The following KCNQ5 variants were observed in gnomAD, a reference collection of about 807,000 sequenced individuals.
KCNQ5 encodes the protein potassium voltage-gated channel subfamily Q member 5.
A neutral mutation model predicts 98.2 loss-of-function variants in KCNQ5; 30 were observed. The observed-to-expected ratio is 0.31, with a 90% CI of 0.23 to 0.41. The LOEUF (loss-of-function observed/expected upper bound fraction) is 0.41, where lower values mean the gene tolerates loss of function less well. KCNQ5 is among the 10% of genes least tolerant of loss of function. The probability of loss-of-function intolerance (pLI) is 1.00; values close to 1 mark genes in which losing one functional copy is unlikely to be tolerated. For synonymous variants in KCNQ5, 458 were observed against 449.4 expected (o/e 1.02, Z -0.24); for missense variants, 835 against 1,182.5 (o/e 0.71, Z 4.31).
At chr6:73,061,180 A>G (rs1772764326) in intron 3 of KCNQ5, among the ~76,000 whole-genome samples, 1 of 152,208 alleles carries the variant, frequency 6.6e-6, no homozygotes, top group African/African-American at 2.4e-5. Context: ...TGTGTAAGAA[A>G]GGAGAAAAAT....
chr6:72,969,322 A>G (rs2150281232), intron 1 of KCNQ5, among the ~76,000 whole-genome samples: 1 of 152,330 alleles, frequency 6.6e-6, no homozygotes, highest in Non-Finnish European at 1.5e-5. Flanking sequence ...TTATAAATGT[A>G]TACACATATA....
intron 11 of KCNQ5, among the ~76,000 whole-genome samples, chr6:73,172,833 G>A (rs1778060563): frequency 6.6e-6 from 1 of 152,122 alleles, no homozygotes; most frequent in South Asian, 2.1e-4. Flanking sequence ...TGCAATAGTA[G>A]TTTTTCCTAG....
chr6:73,097,142 C>CAT (rs70994161), intron 5 of KCNQ5, among the ~76,000 whole-genome samples: 16,707 of 121,864 alleles, frequency 0.14, 1,895 homozygotes, highest in African/African-American at 0.27. Flanking sequence ...CAATAGATCT[C>CAT]ATATATATAT....
chr6:72,911,883 A>C (rs906365514), intron 1 of KCNQ5, among the ~76,000 whole-genome samples: 5 of 152,130 alleles, frequency 3.3e-5, no homozygotes, highest in African/African-American at 1.2e-4. Flanking sequence ...GTACTCTTTC[A>C]CCACTAAAGT....
intron 1 of KCNQ5, among the ~76,000 whole-genome samples, chr6:72,675,819 C>T (rs1220133971): frequency 1.3e-5 from 2 of 152,068 alleles, no homozygotes; most frequent in African/African-American, 4.8e-5. Flanking sequence ...GAAGGATTTT[C>T]CAGTGATTTA....
At chr6:72,934,515 A>G (rs532948857) in intron 1 of KCNQ5, among the ~76,000 whole-genome samples, 83 of 152,362 alleles carry the variant, frequency 5.4e-4, no homozygotes, top group Non-Finnish European at 8.8e-5. Flanking sequence ...AGTAAATTAT[A>G]TAGATCCCTA....
At chr6:72,824,321 A>G (rs9446762) in intron 1 of KCNQ5, among the ~76,000 whole-genome samples, 30,634 of 152,044 alleles carry the variant, frequency 0.2, 3,234 homozygotes, top group South Asian at 0.39. Flanking sequence ...TGAAGAAAAA[A>G]ATTATTTTAA....
At chr6:72,806,475 A>G (rs569384182) in intron 1 of KCNQ5, among the ~76,000 whole-genome samples, 4 of 152,180 alleles carry the variant, frequency 2.6e-5, no homozygotes, top group Non-Finnish European at 4.4e-5. Flanking sequence ...CTTCAAAAAG[A>G]TAACATAAAG....
intron 1 of KCNQ5, among the ~76,000 whole-genome samples, chr6:72,717,521 T>C (rs1256394545): frequency 1.3e-5 from 2 of 152,216 alleles, no homozygotes; most frequent in Non-Finnish European, 2.9e-5. Context: ...TAACATATCA[T>C]GAGAGAACAT....
chr6:72,922,086 A>G (rs1398733344), intron 1 of KCNQ5, among the ~76,000 whole-genome samples: 1 of 152,192 alleles, frequency 6.6e-6, no homozygotes, highest in Non-Finnish European at 1.5e-5. Context: ...TATCAGAGGT[A>G]CTATCCCCAG....
intron 1 of KCNQ5, among the ~76,000 whole-genome samples, chr6:72,696,057 T>C (rs544170013): frequency 1.3e-5 from 2 of 152,292 alleles, no homozygotes; most frequent in South Asian, 2.1e-4. Flanking sequence ...AAATATCTAG[T>C]AGACCAATTT....
At chr6:73,178,617 G>A (rs1778300432) in intron 11 of KCNQ5, among the ~76,000 whole-genome samples, 2 of 151,798 alleles carry the variant, frequency 1.3e-5, no homozygotes, top group Non-Finnish European at 1.5e-5. Context: ...CAGACAGACT[G>A]TACACACGTG....
At chr6:72,734,518 C>A (rs1040463675) in intron 1 of KCNQ5, among the ~76,000 whole-genome samples, 2 of 151,862 alleles carry the variant, frequency 1.3e-5, no homozygotes, top group African/African-American at 4.8e-5. Context: ...GACGGGGTTT[C>A]GACTAGTATT....
chr6:73,157,490 C>A (rs1777412066), intron 10 of KCNQ5: 5 of 703,756 alleles, frequency 7.1e-6, no homozygotes, highest in Non-Finnish European at 1.3e-5. Context: ...TTCCCAGAAC[C>A]AACTCCCCGG....
intron 1 of KCNQ5, among the ~76,000 whole-genome samples, chr6:72,756,444 A>G (rs1245435402): frequency 6.6e-6 from 1 of 152,202 alleles, no homozygotes; most frequent in Non-Finnish European, 1.5e-5. Context: ...TATTTTACAT[A>G]CATTTTAAAA....
rs144263455 is a variant in KCNQ5 at position 73,069,974 on chromosome 6, A to G, written c.617-7348A>G. On this transcript the variant is annotated intron_variant, in intron 3 of 13. Coordinates refer to ENST00000370398, the MANE Select transcript of KCNQ5 (RefSeq NM_019842.4). ...GAGAGAAGTAGCGTAGCCTGAACTA[A>G]GGAGGAGACAGGATAAATGGAAAGA... is the stretch of plus-strand genomic sequence containing the variant. 3.1e-4 allele frequency among the ~76,000 whole-genome samples: 47 copies of G among 152,320 alleles called. 1 individual carries two copies. The East Asian group carries it at 7.7e-3, about 25-fold the overall frequency.
At chr6:73,112,416 G>A (rs1775282627) in intron 7 of KCNQ5, among the ~76,000 whole-genome samples, 3 of 151,736 alleles carry the variant, frequency 2.0e-5, no homozygotes. Context: ...TGCGATCTCG[G>A]CTCACTGCAA....
intron 1 of KCNQ5, among the ~76,000 whole-genome samples, chr6:72,941,885 G>GATTACCTCATTA (rs1317410952): frequency 6.6e-6 from 1 of 152,042 alleles, no homozygotes; most frequent in Non-Finnish European, 1.5e-5. Context: ...TTATTCATCA[G>GATTACCTCATTA]ATTACCTCAT....
At chr6:72,750,930 A>C (rs923742355) in intron 1 of KCNQ5, among the ~76,000 whole-genome samples, 1 of 152,060 alleles carries the variant, frequency 6.6e-6, no homozygotes, top group African/African-American at 2.4e-5. Flanking sequence ...TTATGTCATT[A>C]AAAAAGATAC....
Sources: gnomAD v4.1 joint callset for allele counts (sites outside exome capture counted in the v4.1 genomes callset) on GRCh38, gnomAD v4.1.1 for gene constraint, MANE v1.5 for transcripts, NCBI Gene and HGNC (gene_info 2026-07-23, HGNC 2026-07-21) for gene names.